The following CSMD3 variants were observed in gnomAD, a reference collection of about 807,000 sequenced individuals.
CSMD3 encodes the protein CUB and sushi domain-containing protein 3.
In CSMD3, 177 loss-of-function variants were observed where a neutral mutation model predicts 435.2. The ratio of observed to expected loss-of-function variants is 0.41; its 90% CI spans 0.36 to 0.46. The LOEUF (loss-of-function observed/expected upper bound fraction) is 0.46, where lower values mean the gene tolerates loss of function less well. Among genes scored for constraint, CSMD3 ranks in the 20% least tolerant of loss-of-function variants. The pLI is 0.34. For missense variants in CSMD3, 4,265 were observed against 4,504.6 expected (o/e 0.95, Z 1.52); for synonymous variants, 1,656 against 1,520.5 (o/e 1.09, Z -2.07).
chr8:112,600,971 C>T (rs1385302164), intron 22 of CSMD3, among the ~76,000 whole-genome samples: 4 of 151,992 alleles, frequency 2.6e-5, no homozygotes, highest in Non-Finnish European at 5.9e-5. Flanking sequence ...GCCCGGTCCC[C>T]ACGATCCTTA....
At chr8:113,341,238 T>C (rs1563722198) in intron 1 of CSMD3, among the ~76,000 whole-genome samples, 1 of 152,144 alleles carries the variant, frequency 6.6e-6, no homozygotes, top group East Asian at 1.9e-4. Context: ...CTCGTAGCTA[T>C]TTTTTAATAT....
At chr8:112,737,204 T>C (rs575205103) in intron 13 of CSMD3, among the ~76,000 whole-genome samples, 1 of 152,008 alleles carries the variant, frequency 6.6e-6, no homozygotes, top group Admixed American at 6.6e-5. Context: ...ATACAACATA[T>C]ATAACACAAT....
intron 10 of CSMD3, among the ~76,000 whole-genome samples, chr8:112,894,471 T>C (rs1269706679): frequency 6.6e-6 from 1 of 151,394 alleles, no homozygotes; most frequent in Non-Finnish European, 1.5e-5. Flanking sequence ...TGATTTATAG[T>C]ACTCAATATT....
intron 57 of CSMD3, among the ~76,000 whole-genome samples, chr8:112,287,979 AATTGCCAT>A (rs1376471336): frequency 6.6e-6 from 1 of 151,874 alleles, no homozygotes; most frequent in African/African-American, 2.4e-5. Flanking sequence ...TCCTAATCAA[AATTGCCAT>A]AGTGTTAATA....
At chr8:113,245,205 C>T (rs142320343) in intron 3 of CSMD3, among the ~76,000 whole-genome samples, 70 of 152,080 alleles carry the variant, frequency 4.6e-4, no homozygotes, top group Admixed American at 9.2e-4. Flanking sequence ...AACGTACATT[C>T]GGCCAATGTT....
At chr8:113,085,803 T>A (rs2089745606) in intron 5 of CSMD3, among the ~76,000 whole-genome samples, 1 of 152,198 alleles carries the variant, frequency 6.6e-6, no homozygotes, top group South Asian at 2.1e-4. Context: ...AGAGAGAGGT[T>A]AGTTAATGAA....
At chr8:113,189,420 T>A (rs934088368) in intron 3 of CSMD3, among the ~76,000 whole-genome samples, 4 of 151,858 alleles carry the variant, frequency 2.6e-5, no homozygotes, top group Non-Finnish European at 4.4e-5. Context: ...TACTTCTGAT[T>A]AAAATTAATA....
chr8:112,239,708 T>C (rs1403568521), intron 66 of CSMD3, among the ~76,000 whole-genome samples: 4 of 152,116 alleles, frequency 2.6e-5, no homozygotes, highest in African/African-American at 7.2e-5. Context: ...TTGATAATTA[T>C]TGATAGTTTT....
chr8:113,095,591 A>C (rs2090140009), intron 5 of CSMD3, among the ~76,000 whole-genome samples: 1 of 152,176 alleles, frequency 6.6e-6, no homozygotes, highest in African/African-American at 2.4e-5. Context: ...TTTCCAGGAA[A>C]ATTTATAAAG....
intron 1 of CSMD3, among the ~76,000 whole-genome samples, chr8:113,356,984 AT>A (rs1475859630): frequency 2.0e-5 from 3 of 152,158 alleles, no homozygotes; most frequent in African/African-American, 7.2e-5. Context: ...TATTAATAAA[AT>A]AGGCAAATAT....
chr8:112,952,959 A>C (rs2083879470), intron 8 of CSMD3, among the ~76,000 whole-genome samples: 1 of 151,328 alleles, frequency 6.6e-6, no homozygotes, highest in African/African-American at 2.4e-5. Flanking sequence ...AATAATATAT[A>C]TTTCCACTAA....
intron 4 of CSMD3, among the ~76,000 whole-genome samples, chr8:113,163,219 A>C (rs2092078855): frequency 6.6e-6 from 1 of 152,170 alleles, no homozygotes; most frequent in African/African-American, 2.4e-5. Flanking sequence ...AAAACAATAG[A>C]ATGCCCAATA....
chr8:112,254,639 A>T (rs990873863), intron 62 of CSMD3, among the ~76,000 whole-genome samples: 1 of 152,074 alleles, frequency 6.6e-6, no homozygotes, highest in Admixed American at 6.6e-5. Context: ...AGCAGTGTAC[A>T]TGCATATAAC....
chr8:112,313,123 T>C (rs927813445), intron 49 of CSMD3, among the ~76,000 whole-genome samples: 2 of 152,152 alleles, frequency 1.3e-5, no homozygotes, highest in Non-Finnish European at 2.9e-5. Context: ...CTTCACATAA[T>C]AGAGGACTAT....
chr8:112,711,513 T>A (rs1257140328), intron 13 of CSMD3, among the ~76,000 whole-genome samples: 1 of 152,164 alleles, frequency 6.6e-6, no homozygotes, highest in South Asian at 2.1e-4. Flanking sequence ...TGGCATCTAA[T>A]ATGCTATTTT....
At chr8:112,899,843 A>C (rs1326125366) in intron 10 of CSMD3, among the ~76,000 whole-genome samples, 1 of 149,406 alleles carries the variant, frequency 6.7e-6, no homozygotes, top group East Asian at 2.0e-4. Flanking sequence ...GGAGAGAGAG[A>C]GAGAGAGTCA....
At chr8:112,970,946 C>G (rs546020262) in intron 7 of CSMD3, among the ~76,000 whole-genome samples, 2 of 152,132 alleles carry the variant, frequency 1.3e-5, no homozygotes, top group South Asian at 4.1e-4. Flanking sequence ...TGGTCTCAAT[C>G]TACTGACCTC....
intron 13 of CSMD3, among the ~76,000 whole-genome samples, chr8:112,724,697 T>C (rs1236073083): frequency 6.6e-6 from 1 of 152,070 alleles, no homozygotes; most frequent in Non-Finnish European, 1.5e-5. Context: ...TGAGACTGCA[T>C]ACATATGTGG....
chr8:113,063,892 G>T (rs1019455967), intron 5 of CSMD3, among the ~76,000 whole-genome samples: 2 of 151,582 alleles, frequency 1.3e-5, no homozygotes, highest in South Asian at 4.2e-4. Flanking sequence ...GATAGTAATA[G>T]GTGATACAGT....
Sources: allele counts gnomAD v4.1 joint callset (sites outside exome capture counted in the v4.1 genomes callset), GRCh38; gene constraint gnomAD v4.1.1; transcripts MANE v1.5; gene names NCBI Gene and HGNC (gene_info 2026-07-23, HGNC 2026-07-21).